ERBB4: variants seen among roughly 807,000 people sequenced by gnomAD.
ERBB4 encodes the protein erb-b2 receptor tyrosine kinase 4.
ERBB4 carries 42 observed loss-of-function variants against 158.0 expected under a neutral mutation model. The ratio of observed to expected loss-of-function variants is 0.27; its 90% CI spans 0.21 to 0.34. ERBB4 has a LOEUF of 0.34. Among genes scored for constraint, ERBB4 ranks in the 10% least tolerant of loss-of-function variants. The pLI is 1.00. For synonymous variants in ERBB4, 583 were observed against 558.7 expected (o/e 1.04, Z -0.61); for missense variants, 1,333 against 1,624.1 (o/e 0.82, Z 3.08).
chr2:211,527,608 T>G (rs1300713607), intron 20 of ERBB4, among the ~76,000 whole-genome samples: 1 of 152,042 alleles, frequency 6.6e-6, no homozygotes, highest in African/African-American at 2.4e-5. Flanking sequence ...GTAGAAGGAC[T>G]AAAAGATAAA....
intron 19 of ERBB4, among the ~76,000 whole-genome samples, chr2:211,609,498 C>G (rs2069112053): frequency 6.6e-6 from 1 of 152,186 alleles, no homozygotes; most frequent in Admixed American, 6.5e-5. Flanking sequence ...GGACAATTTT[C>G]CCTGTATCTT....
chr2:212,495,079 G>A (rs931500237), intron 1 of ERBB4, among the ~76,000 whole-genome samples: 1 of 151,996 alleles, frequency 6.6e-6, no homozygotes, highest in Admixed American at 6.6e-5. Flanking sequence ...ATTTAAGACT[G>A]CACTTCAGAC....
chr2:212,349,277 A>C (rs1051213192), intron 1 of ERBB4, among the ~76,000 whole-genome samples: 4 of 134,946 alleles, frequency 3.0e-5, no homozygotes, highest in Non-Finnish European at 6.4e-5. Context: ...CTAAGAGTTC[A>C]ACTTCTTAAT....
intron 1 of ERBB4, among the ~76,000 whole-genome samples, chr2:212,426,636 A>T (rs2091919367): frequency 1.3e-5 from 2 of 152,122 alleles, no homozygotes; most frequent in South Asian, 4.1e-4. Context: ...TCTATAAGGC[A>T]TATATTAAAC....
At chr2:212,413,407 A>G (rs910719559) in intron 1 of ERBB4, among the ~76,000 whole-genome samples, 1 of 152,124 alleles carries the variant, frequency 6.6e-6, no homozygotes, top group Admixed American at 6.5e-5. Context: ...ACACCTGGCT[A>G]TATCATTAAA....
intron 3 of ERBB4, among the ~76,000 whole-genome samples, chr2:211,907,369 T>C (rs1006134101): frequency 1.3e-5 from 2 of 151,282 alleles, no homozygotes; most frequent in Non-Finnish European, 2.9e-5. Context: ...CCTTTATGGG[T>C]CCACTCCACT....
At chr2:211,428,749 ACT>A (rs759873103) in intron 21 of ERBB4, among the ~76,000 whole-genome samples, 8 of 152,066 alleles carry the variant, frequency 5.3e-5, no homozygotes, top group Non-Finnish European at 8.8e-5. Context: ...ACAGGGTCTC[ACT>A]CTGTCACCCA....
At chr2:212,186,644 T>C (rs941170461) in intron 1 of ERBB4, among the ~76,000 whole-genome samples, 8 of 152,144 alleles carry the variant, frequency 5.3e-5, no homozygotes, top group African/African-American at 1.7e-4. Flanking sequence ...TCTTCTTTTC[T>C]CTGCCACTTT....
chr2:212,208,463 A>C (rs747948275), intron 1 of ERBB4, among the ~76,000 whole-genome samples: 8 of 152,164 alleles, frequency 5.3e-5, no homozygotes, highest in Non-Finnish European at 1.0e-4. Flanking sequence ...AGAGAGACAA[A>C]GCTTGAAAGA....
chr2:211,522,355 T>G (rs567536682), intron 20 of ERBB4, among the ~76,000 whole-genome samples: 1 of 152,252 alleles, frequency 6.6e-6, no homozygotes, highest in South Asian at 2.1e-4. Context: ...ATAACTACAA[T>G]TAGAGTGGAG....
At chr2:212,008,464 G>A (rs1332199259) in intron 2 of ERBB4, among the ~76,000 whole-genome samples, 1 of 152,102 alleles carries the variant, frequency 6.6e-6, no homozygotes, top group African/African-American at 2.4e-5. Context: ...CACCCTTGAT[G>A]AACTCCTAGT....
intron 1 of ERBB4, among the ~76,000 whole-genome samples, chr2:212,393,167 C>T (rs760193476): frequency 2.0e-5 from 3 of 152,040 alleles, no homozygotes; most frequent in Non-Finnish European, 4.4e-5. Context: ...ATGTGGCAGA[C>T]CTTGCTTATC....
chr2:212,342,585 A>G (rs1426944827), intron 1 of ERBB4, among the ~76,000 whole-genome samples: 1 of 152,176 alleles, frequency 6.6e-6, no homozygotes, highest in African/African-American at 2.4e-5. Flanking sequence ...TGATGCTGGA[A>G]GTGTGAATTT....
intron 12 of ERBB4, among the ~76,000 whole-genome samples, chr2:211,692,494 G>A (rs756499666): frequency 1.3e-5 from 2 of 152,098 alleles, no homozygotes; most frequent in Admixed American, 6.6e-5. Context: ...AGTCCAAAAT[G>A]ACTCTTAAGG....
chr2:211,611,407 AGCTTTACTTTTGCTTTC>A (rs67176990), intron 19 of ERBB4, among the ~76,000 whole-genome samples: 12 of 145,616 alleles, frequency 8.2e-5, no homozygotes, highest in Non-Finnish European at 1.3e-4. Context: ...AAGGTGTGGA[AGCTTTACTTTTGCTTTC>A]GCTTTACTTT....
chr2:212,321,902 T>C (rs2087583858), intron 1 of ERBB4, among the ~76,000 whole-genome samples: 1 of 150,106 alleles, frequency 6.7e-6, no homozygotes, highest in Non-Finnish European at 1.5e-5. Flanking sequence ...TAAGTTGACT[T>C]TGTGTTATTA....
intron 1 of ERBB4, among the ~76,000 whole-genome samples, chr2:212,507,203 T>C (rs1281601074): frequency 3.3e-5 from 5 of 151,570 alleles, no homozygotes; most frequent in African/African-American, 9.7e-5. Context: ...TGGAGACCTA[T>C]TGCTCAGAAA....
chr2:211,630,021 G>A (rs1474103437), intron 17 of ERBB4, among the ~76,000 whole-genome samples: 2 of 152,112 alleles, frequency 1.3e-5, no homozygotes, highest in African/African-American at 4.8e-5. Context: ...CAAAAGCAAT[G>A]GCAACCAAAG....
At chr2:212,372,864 C>A (rs2090136493) in intron 1 of ERBB4, among the ~76,000 whole-genome samples, 1 of 152,188 alleles carries the variant, frequency 6.6e-6, no homozygotes, top group East Asian at 1.9e-4. Context: ...TGCCATTGTT[C>A]ATGCTCATCC....
Sources: allele counts gnomAD v4.1 joint callset (sites outside exome capture counted in the v4.1 genomes callset), GRCh38; gene constraint gnomAD v4.1.1; transcripts MANE v1.5; gene names NCBI Gene and HGNC (gene_info 2026-07-23, HGNC 2026-07-21).